CALN1: variants seen among roughly 807,000 people sequenced by gnomAD.
The protein encoded by CALN1 is calcium-binding protein 8.
A neutral mutation model predicts 30.6 loss-of-function variants in CALN1; 17 were observed. The observed-to-expected ratio is 0.56, with a 90% confidence interval of 0.38 to 0.83. The LOEUF (loss-of-function observed/expected upper bound fraction) is 0.83, where lower values mean the gene tolerates loss of function less well. Among genes scored for constraint, CALN1 ranks in the 40% least tolerant of loss-of-function variants. The probability of loss-of-function intolerance (pLI) is 0.00; values close to 1 mark genes in which losing one functional copy is unlikely to be tolerated. For missense variants in CALN1, 291 were observed against 354.9 expected, an observed-to-expected ratio of 0.82 and a Z score of 1.45; for synonymous variants, 156 against 131.4, an observed-to-expected ratio of 1.19 and a Z score of -1.28.
In CALN1 at chr7:72,247,244, T is replaced by C. The variant is rs1267875849; in HGVS notation, c.244+31442A>G. Among the ~76,000 whole-genome samples the C allele has an allele frequency of 3.0e-4, 15 of 49,220 alleles. 1 individual carries two copies. Among genetic ancestry groups the C allele is most frequent in the Non-Finnish European group, 4.0e-4 (8 of 20,070 alleles). The allele number at this position is 49,220 out of a possible 152,430, so 32.3% of individuals were successfully genotyped here. Reference sequence around the variant, plus strand: ...TTTTCTTTCTTTTTTTTTTTTTTTTTTTTTTTTTTTTTTTTTTTTTTTGAG... The same window carrying C: ...TTTTCTTTCTTTTTTTTTTTTTTTTCTTTTTTTTTTTTTTTTTTTTTTGAG... On this transcript the variant is annotated intron_variant, in intron 3 of 6. Transcript: ENST00000395275.
intron 3 of CALN1, among the ~76,000 whole-genome samples, chr7:72,245,039 C>CCT (rs1795068826): frequency 6.6e-6 from 1 of 152,182 alleles, no homozygotes; most frequent in South Asian, 2.1e-4. Flanking sequence ...TATTCAGCAT[C>CCT]CTCATCACCT....
intron 4 of CALN1, among the ~76,000 whole-genome samples, chr7:72,074,460 T>C (rs1804601450): frequency 6.6e-6 from 1 of 152,102 alleles, no homozygotes; most frequent in Admixed American, 6.5e-5. Flanking sequence ...CAGGCTAGAG[T>C]ACAGTGGTGC....
chr7:72,413,982 A>G (rs1306683297), upstream of CALN1, among the ~76,000 whole-genome samples: 1 of 152,032 alleles, frequency 6.6e-6, no homozygotes, highest in Non-Finnish European at 1.5e-5. Context: ...GCTGTCTCCA[A>G]GGCTTTCTGT....
chr7:71,817,184 T>C (rs1345807787), intron 5 of CALN1, among the ~76,000 whole-genome samples: 1 of 152,254 alleles, frequency 6.6e-6, no homozygotes, highest in Non-Finnish European at 1.5e-5. Context: ...CAGTCCATTT[T>C]ACTTTTCAGT....
At chr7:72,388,181 G>A (rs1805356468) in intron 2 of CALN1, among the ~76,000 whole-genome samples, 1 of 152,086 alleles carries the variant, frequency 6.6e-6, no homozygotes, top group Non-Finnish European at 1.5e-5. Context: ...ACCCTGATTT[G>A]ATCAATACAC....
At chr7:72,330,435 T>A (rs1489875276) in intron 2 of CALN1, among the ~76,000 whole-genome samples, 1 of 134,190 alleles carries the variant, frequency 7.5e-6, no homozygotes. Flanking sequence ...GCCACTGCAC[T>A]CCAGCCTGGG....
chr7:71,863,639 T>C (rs978236207), intron 5 of CALN1, among the ~76,000 whole-genome samples: 2 of 139,778 alleles, frequency 1.4e-5, no homozygotes, highest in Non-Finnish European at 3.1e-5. Context: ...CTTGATGCCA[T>C]AGAAAACACA....
At chr7:71,975,765 A>C (rs558181845) in intron 5 of CALN1, among the ~76,000 whole-genome samples, 6 of 151,580 alleles carry the variant, frequency 4.0e-5, no homozygotes, top group Middle Eastern at 3.4e-3. Flanking sequence ...GATCACACCA[A>C]TAATTATTTT....
chr7:72,421,306 C>T (rs1298912878), intron 1 of CALN1, among the ~76,000 whole-genome samples: 2 of 152,116 alleles, frequency 1.3e-5, no homozygotes, highest in Non-Finnish European at 2.9e-5. Flanking sequence ...CATTAGATCG[C>T]TCTGTATGTT....
chr7:71,908,341 T>C (rs967457440), intron 5 of CALN1, among the ~76,000 whole-genome samples: 2 of 152,180 alleles, frequency 1.3e-5, no homozygotes, highest in East Asian at 3.9e-4. Flanking sequence ...AATTTGGAAT[T>C]ATTTTTCTTC....
intron 5 of CALN1, among the ~76,000 whole-genome samples, chr7:72,001,498 T>G (rs1322943543): frequency 6.6e-6 from 1 of 152,172 alleles, no homozygotes; most frequent in Non-Finnish European, 1.5e-5. Context: ...ACTGTGCATG[T>G]GGACAGCCCA....
At chr7:71,826,385 G>A in intron 5 of CALN1, among the ~76,000 whole-genome samples, 1 of 152,170 alleles carries the variant, frequency 6.6e-6, no homozygotes, top group East Asian at 1.9e-4. Flanking sequence ...CAAGATCTAT[G>A]GAGCAGACAT....
At chr7:71,956,861 T>C (rs1796986580) in intron 5 of CALN1, among the ~76,000 whole-genome samples, 1 of 152,024 alleles carries the variant, frequency 6.6e-6, no homozygotes, top group African/African-American at 2.4e-5. Context: ...CACGCCTGGC[T>C]AATTTATGTA....
chr7:72,323,490 C>T (rs1033454478), intron 2 of CALN1, among the ~76,000 whole-genome samples: 12 of 151,668 alleles, frequency 7.9e-5, no homozygotes, highest in Non-Finnish European at 1.8e-4. Flanking sequence ...TGAAATCCCG[C>T]CTCTACTAAA....
At chr7:72,027,029 T>A (rs1558028) in intron 4 of CALN1, among the ~76,000 whole-genome samples, 67,682 of 151,948 alleles carry the variant, frequency 0.45, 17,558 homozygotes, top group East Asian at 0.72. Flanking sequence ...TTCTCAAGAG[T>A]GACAGTATCA....
intron 2 of CALN1, among the ~76,000 whole-genome samples, chr7:72,345,330 AAAG>A (rs1802583318): frequency 6.7e-6 from 1 of 149,016 alleles, no homozygotes; most frequent in Non-Finnish European, 1.5e-5. Flanking sequence ...AGAAGGAAAG[AAAG>A]AAGAAAGTGG....
chr7:72,216,849 T>A (rs1011271949), intron 3 of CALN1, among the ~76,000 whole-genome samples: 2 of 152,134 alleles, frequency 1.3e-5, no homozygotes, highest in South Asian at 2.1e-4. Context: ...CTTCTCCACC[T>A]GAAGTGATCC....
In CALN1 at chr7:72,338,519, GTGTGTGTGTC is replaced by G. The variant is rs1311523512; in HGVS notation, c.120-59719_120-59710del. Among the ~76,000 whole-genome samples, 177 of 148,030 alleles carry G rather than the reference GTGTGTGTGTC, an allele frequency of 1.2e-3. 3 individuals carry two copies. The highest frequency in any genetic ancestry group is 4.3e-3 in the African/African-American group (167 of 38,882). Reference sequence around the variant, plus strand: ...TGTGTGTGTGTGTGTGTGTGTGTGTGTGTGTGTGTCTCACCTGGGTGTGGTTTCAGAGTCC... The same window carrying G: ...TGTGTGTGTGTGTGTGTGTGTGTGTGTCACCTGGGTGTGGTTTCAGAGTCC... On this transcript the variant is annotated intron_variant, in intron 2 of 6. Transcript: ENST00000395275.
At position 72,372,211 on chromosome 7, in the gene CALN1, T is replaced by G. The variant is rs551078489; in HGVS notation, c.119+31040A>C. Among the ~76,000 whole-genome samples the G allele has an allele frequency of 1.2e-4, 18 of 152,258 alleles. No individual in the cohort carries two copies. In the South Asian group the frequency reaches 3.5e-3, roughly 30 times the overall value. On this transcript the variant is annotated intron_variant, in intron 2 of 6. Coordinates refer to ENST00000395275, the MANE Select transcript of CALN1 (RefSeq NM_031468.4). Reference sequence around the variant, plus strand: ...TGCACCTCAGCCCCCAAATAATTCATAACAGCAGAAGCAGTCATGGTGGTG... The same window carrying G: ...TGCACCTCAGCCCCCAAATAATTCAGAACAGCAGAAGCAGTCATGGTGGTG...
Sources: gnomAD v4.1 joint callset for allele counts (sites outside exome capture counted in the v4.1 genomes callset) on GRCh38, gnomAD v4.1.1 for gene constraint, MANE v1.5 for transcripts, NCBI Gene and HGNC (gene_info 2026-07-23, HGNC 2026-07-21) for gene names.